The following DPF3 variants were observed in gnomAD, a reference collection of about 807,000 sequenced individuals.
DPF3 encodes double PHD fingers 3.
Under a neutral mutation model 56.8 loss-of-function variants are expected in DPF3, and 18 were observed. The observed-to-expected ratio is 0.32, with a 90% CI of 0.22 to 0.47. DPF3 has a LOEUF of 0.47. Ranked by LOEUF, DPF3 falls within the 20% of genes least tolerant of loss-of-function variation. The pLI, the probability that DPF3 is intolerant of heterozygous loss-of-function variation, is 1.00. For synonymous variants in DPF3, 188 were observed against 180.2 expected, an observed-to-expected ratio of 1.04 and a Z score of -0.35; for missense variants, 403 against 488.8, an observed-to-expected ratio of 0.82 and a Z score of 1.65.
intron 1 of DPF3, among the ~76,000 whole-genome samples, chr14:72,861,346 A>C (rs1599503301): frequency 6.6e-6 from 1 of 152,224 alleles, no homozygotes; most frequent in East Asian, 1.9e-4. Flanking sequence ...TAATTGTCTT[A>C]TTTAATTCAT....
chr14:72,732,027 T>C, intron 3 of DPF3, 93 bp from the exon 4 acceptor site: 1 of 1,480,014 alleles, frequency 6.8e-7, no homozygotes, highest in Non-Finnish European at 9.0e-7. Flanking sequence ...CCAGGGCTCC[T>C]GAGGAGGACT....
intron 8 of DPF3, chr14:72,671,431 A>G (rs1018878582): frequency 1.9e-5 from 29 of 1,533,780 alleles, no homozygotes; most frequent in African/African-American, 1.1e-4. Flanking sequence ...TATTCTTAAT[A>G]GCAAGATATA....
chr14:72,617,136 C>A lies in DPF3; in HGVS notation c.*2161G>T, dbSNP rs1599303520. Among the ~76,000 whole-genome samples the A allele has an allele frequency of 6.6e-6, 1 of 152,206 alleles. No individual in the cohort carries two copies. Among genetic ancestry groups the A allele is most frequent in the Non-Finnish European group, 1.5e-5 (1 of 68,032 alleles). ...GAGCAGACATGGGGCTGAGATCGAA[C>A]AGGGCTGCCCTATCACCTGCACTTC... On this transcript the variant is annotated 3_prime_UTR_variant, in exon 11 of 11. Coordinates refer to ENST00000556509, the MANE Select transcript of DPF3 (RefSeq NM_001280542.3).
chr14:72,629,929 CAG>C (rs1364465805), intron 8 of DPF3, among the ~76,000 whole-genome samples, 193 bp from the exon 9 acceptor site: 3 of 152,156 alleles, frequency 2.0e-5, no homozygotes, highest in Non-Finnish European at 2.9e-5. Flanking sequence ...AAGGGCAAAA[CAG>C]AGATATAAGC....
chr14:72,892,727 C>T, intron 1 of DPF3: 2 of 995,298 alleles, frequency 2.0e-6, no homozygotes, highest in Non-Finnish European at 2.4e-6. Flanking sequence ...CCCACCCGAC[C>T]TGCACCTCCC....
intron 1 of DPF3, among the ~76,000 whole-genome samples, chr14:72,827,358 C>T (rs2140045246): frequency 6.6e-6 from 1 of 152,160 alleles, no homozygotes; most frequent in South Asian, 2.1e-4. Context: ...GCCACTGAGT[C>T]ACATTTCAAG....
chr14:72,836,238 C>A, intron 1 of DPF3: 5 of 985,526 alleles, frequency 5.1e-6, no homozygotes, highest in Non-Finnish European at 4.8e-6. Context: ...CACATCTCTA[C>A]TTCCCTCTCC....
intron 1 of DPF3, among the ~76,000 whole-genome samples, chr14:72,851,198 G>A (rs947381720): frequency 4.6e-5 from 7 of 152,182 alleles, no homozygotes; most frequent in Non-Finnish European, 8.8e-5. Flanking sequence ...CATTGGTGAG[G>A]TCAGAACTAT....
intron 2 of DPF3, among the ~76,000 whole-genome samples, chr14:72,755,877 T>C (rs1658399705): frequency 6.6e-6 from 1 of 152,174 alleles, no homozygotes; most frequent in Admixed American, 6.5e-5. Flanking sequence ...GGTTCCTTTA[T>C]AGGAAAAACA....
chr14:72,703,105 TCTC>T (rs1183707030), intron 6 of DPF3, among the ~76,000 whole-genome samples: 2 of 152,158 alleles, frequency 1.3e-5, no homozygotes, highest in East Asian at 1.9e-4. Context: ...GAAGCTATTA[TCTC>T]CTCAACTGTG....
At chr14:72,674,576 T>G (rs992803273) in intron 7 of DPF3, among the ~76,000 whole-genome samples, 2 of 152,214 alleles carry the variant, frequency 1.3e-5, no homozygotes, top group African/African-American at 4.8e-5. Flanking sequence ...GAGTTTAATT[T>G]TTAGAGTATT....
At chr14:72,842,804 AC>A (rs1023790254) in intron 1 of DPF3, among the ~76,000 whole-genome samples, 2 of 152,202 alleles carry the variant, frequency 1.3e-5, no homozygotes, top group African/African-American at 4.8e-5. Context: ...CAGGCGGATC[AC>A]GAGGTCAGGA....
intron 1 of DPF3, among the ~76,000 whole-genome samples, chr14:72,778,327 GT>G (rs1328428974): frequency 3.3e-5 from 5 of 152,172 alleles, no homozygotes; most frequent in African/African-American, 1.2e-4. Flanking sequence ...CAGCACTAGA[GT>G]CTCATAGAAG....
chr14:72,662,190 C>T, intron 8 of DPF3: 3 of 985,372 alleles, frequency 3.0e-6, no homozygotes, highest in Non-Finnish European at 3.6e-6. Flanking sequence ...CCACATCCAA[C>T]TCGCAGAAAT....
intron 1 of DPF3, among the ~76,000 whole-genome samples, chr14:72,864,273 A>G (rs1885572330): frequency 6.6e-6 from 1 of 152,032 alleles, no homozygotes; most frequent in Non-Finnish European, 1.5e-5. Context: ...GTCTCTGCTC[A>G]ATCACCACCT....
intron 6 of DPF3, among the ~76,000 whole-genome samples, chr14:72,702,138 G>A (rs1276669675): frequency 6.6e-6 from 1 of 152,124 alleles, no homozygotes; most frequent in Non-Finnish European, 1.5e-5. Context: ...TGACTGAAAG[G>A]TGCGCTGGTG....
In DPF3 at chr14:72,612,567, G is replaced by A. The variant is rs201534424; in HGVS notation, c.*6730C>T. On this transcript the variant is annotated 3_prime_UTR_variant, in exon 11 of 11. Coordinates refer to ENST00000556509, the MANE Select transcript of DPF3 (RefSeq NM_001280542.3). Reference sequence around the variant, plus strand: ...CACCCCACTCCTTAGCATCTATCACGGCAGAGGGAAGGGAGGAAACAGTGC... The same window carrying A: ...CACCCCACTCCTTAGCATCTATCACAGCAGAGGGAAGGGAGGAAACAGTGC... 9.5e-4 allele frequency: 455 copies of A among 478,856 alleles called. No individual in the cohort carries two copies. Among genetic ancestry groups the A allele is most frequent in the African/African-American group, 5.3e-3 (184 of 34,400 alleles). 29.7% of individuals were successfully genotyped at this position (478,856 alleles called of 1,614,324 possible). A position where few individuals can be genotyped will look rare whatever the true frequency, so the allele number is the denominator to read the frequency against.
At chr14:72,880,685 T>C (rs1433361900) in intron 1 of DPF3, among the ~76,000 whole-genome samples, 1 of 152,022 alleles carries the variant, frequency 6.6e-6, no homozygotes, top group Non-Finnish European at 1.5e-5. Flanking sequence ...GCCTCCCAAA[T>C]AACTGTGACT....
At position 72,772,898 on chromosome 14, in the gene DPF3, G is replaced by A. The variant is rs537018997; in HGVS notation, c.33-1005C>T. 1.6e-4 allele frequency among the ~76,000 whole-genome samples: 24 copies of A among 152,272 alleles called. No individual in the cohort carries two copies. The East Asian group carries it at 4.1e-3, about 26-fold the overall frequency. On this transcript the variant is annotated intron_variant, in intron 1 of 10. Coordinates refer to ENST00000556509, the MANE Select transcript of DPF3 (RefSeq NM_001280542.3). ...TTACTGGGGTCGGGGGGCAGTGGAC[G>A]CAAAGGAGTGGAGTGTGGGAAGAAG...
Sources: gnomAD v4.1 joint callset for allele counts (sites outside exome capture counted in the v4.1 genomes callset) on GRCh38, gnomAD v4.1.1 for gene constraint, MANE v1.5 for transcripts, NCBI Gene and HGNC (gene_info 2026-07-23, HGNC 2026-07-21) for gene names.